The following GPR183 variants were observed in gnomAD, a reference collection of about 807,000 sequenced individuals.
GPR183 encodes G protein-coupled receptor 183, also known as EBV-induced G-protein coupled receptor 2.
A neutral mutation model predicts 19.7 loss-of-function variants in GPR183; 9 were observed. The ratio of observed to expected loss-of-function variants is 0.46; its 90% CI spans 0.28 to 0.80. The LOEUF (loss-of-function observed/expected upper bound fraction) is 0.80, where lower values mean the gene tolerates loss of function less well. Among genes scored for constraint, GPR183 ranks in the 30% least tolerant of loss-of-function variants. The pLI, the probability that GPR183 is intolerant of heterozygous loss-of-function variation, is 0.13. For missense variants in GPR183, 368 were observed against 446.7 expected, an observed-to-expected ratio of 0.82 and a Z score of 1.59; for synonymous variants, 160 against 155.1, an observed-to-expected ratio of 1.03 and a Z score of -0.24.
intron 1 of GPR183, among the ~76,000 whole-genome samples, chr13:99,297,465 G>A (rs2044193884): frequency 6.6e-6 from 1 of 152,088 alleles, no homozygotes; most frequent in African/African-American, 2.4e-5. Flanking sequence ...TCTCCCTGCT[G>A]TATTAAATGA....
chr13:99,304,330 C>T (rs1376680348), intron 1 of GPR183, among the ~76,000 whole-genome samples: 1 of 152,142 alleles, frequency 6.6e-6, no homozygotes, highest in Non-Finnish European at 1.5e-5. Context: ...TTCTAAGTAT[C>T]CCAGGAGCAT....
At chr13:99,298,201 C>T (rs2044205065) in intron 1 of GPR183, among the ~76,000 whole-genome samples, 2 of 152,088 alleles carry the variant, frequency 1.3e-5, no homozygotes, top group African/African-American at 4.8e-5. Flanking sequence ...GATTTAAAAG[C>T]TAACAGAACT....
At chr13:99,298,821 CAA>C (rs1217888453) in intron 1 of GPR183, among the ~76,000 whole-genome samples, 1 of 152,070 alleles carries the variant, frequency 6.6e-6, no homozygotes, top group Non-Finnish European at 1.5e-5. Context: ...GGACTAGACA[CAA>C]GAGAGAGGTG....
intron 1 of GPR183, among the ~76,000 whole-genome samples, chr13:99,300,731 C>T (rs747017010): frequency 2.0e-4 from 31 of 152,242 alleles, no homozygotes; most frequent in Non-Finnish European, 3.8e-4. Flanking sequence ...GAATATATAG[C>T]GTTGAACATG....
At chr13:99,297,838 C>T (rs1318414374) in intron 1 of GPR183, among the ~76,000 whole-genome samples, 2 of 151,628 alleles carry the variant, frequency 1.3e-5, no homozygotes, top group African/African-American at 4.9e-5. Flanking sequence ...CTGTTTGCTG[C>T]TTAGAAGAGA....
chr13:99,306,188 A>T (rs1057311058), intron 1 of GPR183, among the ~76,000 whole-genome samples: 2 of 152,126 alleles, frequency 1.3e-5, no homozygotes, highest in Non-Finnish European at 2.9e-5. Context: ...GAGCCACCAC[A>T]CCCAGCCTGA....
rs748818180 is a variant in GPR183 at position 99,295,078 on chromosome 13, C to T, written c.1068G>A (p.Lys356=). The T allele has an allele frequency of 2.5e-6, 4 of 1,613,734 alleles. No individual in the cohort carries two copies. The highest frequency in any genetic ancestry group is 2.5e-6 in the Non-Finnish European group (3 of 1,179,816). Reference sequence around the variant, plus strand: ...ATCCATTTCACTTTCCATTTGAAGACTTGGAATGTATCATCATCTGCGTTT... The same window carrying T: ...ATCCATTTCACTTTCCATTTGAAGATTTGGAATGTATCATCATCTGCGTTT... ...MTETQMMIHS[K]SSNGK Residue 356 remains lysine, a synonymous_variant, in exon 2 of 2, where the codon AAG becomes AAA. Transcript: ENST00000376414. This position sits in a 1 kb window ranked among gnomAD's most constrained non-coding sequence, Gnocchi z 4.1.
At chr13:99,297,310 A>G (rs2044191031) in intron 1 of GPR183, among the ~76,000 whole-genome samples, 1 of 152,192 alleles carries the variant, frequency 6.6e-6, no homozygotes, top group Non-Finnish European at 1.5e-5. Context: ...CTGTGTGTAC[A>G]TAAATCTCAC....
chr13:99,305,062 G>T (rs1456161133), intron 1 of GPR183, among the ~76,000 whole-genome samples: 1 of 152,128 alleles, frequency 6.6e-6, no homozygotes, highest in South Asian at 2.1e-4. Flanking sequence ...TTTATAAATG[G>T]ATTTAGAGTA....
At chr13:99,296,316 AAC>A (rs1375820543) in intron 1 of GPR183, among the ~76,000 whole-genome samples, 153 bp from the exon 2 acceptor site, 1 of 152,232 alleles carries the variant, frequency 6.6e-6, no homozygotes, top group Non-Finnish European at 1.5e-5. Flanking sequence ...TGCAATTTTT[AAC>A]AGTTTATAAT....
intron 1 of GPR183, among the ~76,000 whole-genome samples, chr13:99,306,328 G>T (rs1467423746): frequency 6.6e-6 from 1 of 152,146 alleles, no homozygotes; most frequent in Non-Finnish European, 1.5e-5. Context: ...AGGCAATGTT[G>T]TAAGGACTTG....
At chr13:99,303,595 A>C (rs2044287818) in intron 1 of GPR183, among the ~76,000 whole-genome samples, 1 of 152,196 alleles carries the variant, frequency 6.6e-6, no homozygotes, top group Non-Finnish European at 1.5e-5. Flanking sequence ...TGTATCTGGC[A>C]TGATTTGTAG....
At chr13:99,302,685 A>G (rs933116588) in intron 1 of GPR183, among the ~76,000 whole-genome samples, 9 of 152,178 alleles carry the variant, frequency 5.9e-5, no homozygotes, top group Admixed American at 3.9e-4. Context: ...GACAGTGGGA[A>G]ACATGCATTC....
intron 1 of GPR183, among the ~76,000 whole-genome samples, chr13:99,306,320 G>T (rs1441124131): frequency 1.3e-5 from 2 of 152,102 alleles, no homozygotes; most frequent in African/African-American, 4.8e-5. Flanking sequence ...ATAATGAGAG[G>T]CAATGTTGTA....
intron 1 of GPR183, among the ~76,000 whole-genome samples, chr13:99,307,135 G>A (rs556215226): frequency 1.4e-3 from 216 of 152,272 alleles, no homozygotes; most frequent in African/African-American, 4.6e-3. Context: ...TGGACCCATC[G>A]CTTTCAGTCA....
chr13:99,298,894 T>G (rs1389534215), intron 1 of GPR183, among the ~76,000 whole-genome samples: 1 of 152,200 alleles, frequency 6.6e-6, no homozygotes, highest in Non-Finnish European at 1.5e-5. Flanking sequence ...TTAATATTTT[T>G]CTAAGTTCTT....
In GPR183 at chr13:99,295,454, G is replaced by A; in HGVS notation, c.692C>T (p.Pro231Leu). 6.2e-7 allele frequency: 1 copy of A among 1,614,032 alleles called. No individual in the cohort carries two copies. The highest frequency in any genetic ancestry group is 8.5e-7 in the Non-Finnish European group (1 of 1,180,006). ...GTTTACACCAGATTTCTCAGTGAGT[G>A]GGTTTTGTTTGGCAGTTCTGAAGAG... ...CKLFRTAKQN[P>L]LTEKSGVNKK... The change falls in exon 2 of 2, where the codon CCA becomes CTA. Residue 231 changes from proline to leucine, a missense_variant. Transcript: ENST00000376414. The surrounding 1 kb of genome is among the most constrained non-coding windows in gnomAD (Gnocchi z 4.1).
chr13:99,303,453 G>A (rs1446900016), intron 1 of GPR183, among the ~76,000 whole-genome samples: 1 of 152,194 alleles, frequency 6.6e-6, no homozygotes, highest in Non-Finnish European at 1.5e-5. Flanking sequence ...AGCCACCTAT[G>A]TGGCTTTTGG....
At chr13:99,296,272 C>T in intron 1 of GPR183, 109 bp from the exon 2 acceptor site, 2 of 778,862 alleles carry the variant, frequency 2.6e-6, no homozygotes, top group South Asian at 6.1e-5. Flanking sequence ...TCCAAACTGT[C>T]TTTTATATAT....
Sources: allele counts gnomAD v4.1 joint callset (sites outside exome capture counted in the v4.1 genomes callset), GRCh38; gene constraint gnomAD v4.1.1; non-coding constraint Gnocchi (gnomAD v3.1); transcripts MANE v1.5; gene names NCBI Gene and HGNC (gene_info 2026-07-23, HGNC 2026-07-21).